The following SH3YL1 variants were observed in gnomAD, a reference collection of about 807,000 sequenced individuals.
The protein encoded by SH3YL1 is SH3 domain-containing YSC84-like protein 1.
A neutral mutation model predicts 45.8 loss-of-function variants in SH3YL1; 41 were observed. The observed-to-expected ratio is 0.89, with a 90% CI of 0.70 to 1.16. The LOEUF (loss-of-function observed/expected upper bound fraction) is 1.16, where lower values mean the gene tolerates loss of function less well. Ranked by LOEUF, SH3YL1 falls within the 50% of genes most tolerant of loss-of-function variation. The pLI, the probability that SH3YL1 is intolerant of heterozygous loss-of-function variation, is 0.00. For missense variants in SH3YL1, 389 were observed against 409.6 expected (o/e 0.95, Z 0.43); for synonymous variants, 152 against 151.4 (o/e 1.00, Z -0.03).
chr2:230,165 G>A (rs1667973538), intron 7 of SH3YL1, 121 bp from the exon 8 acceptor site: 5 of 659,100 alleles, frequency 7.6e-6, no homozygotes, highest in Non-Finnish European at 1.0e-5. Context: ...TATTAATGTG[G>A]CACTCTCAAA....
At chr2:239,862 C>A (rs936064260) in intron 4 of SH3YL1, 1 of 152,178 alleles carries the variant, frequency 6.6e-6, no homozygotes, top group Non-Finnish European at 1.5e-5. Context: ...ATTCAATGAA[C>A]ACTATTAAAT....
chr2:235,645 T>C (rs1278174578), intron 4 of SH3YL1, among the ~76,000 whole-genome samples: 4 of 80,792 alleles, frequency 5.0e-5, no homozygotes, highest in South Asian at 5.3e-4. Context: ...GGCAGCAGCA[T>C]GGGCCAGGGG....
chr2:247,526 C>T lies in SH3YL1; in HGVS notation c.291+12G>A, dbSNP rs961014158. 1 of 1,550,420 alleles carries T rather than the reference C, an allele frequency of 6.4e-7. No individual in the cohort carries two copies. Among genetic ancestry groups the T allele is most frequent in the Non-Finnish European group, 8.7e-7 (1 of 1,145,958 alleles). ...GATATGGCAGTTGTATGGACGTGCACAAGCTACTTACCTCAATTCCTATTT... is the reference window on the plus strand; with the variant it reads ...GATATGGCAGTTGTATGGACGTGCATAAGCTACTTACCTCAATTCCTATTT... On this transcript the variant is annotated intron_variant, in intron 4 of 9. Coordinates refer to ENST00000356150, the MANE Select transcript of SH3YL1 (RefSeq NM_015677.4).
chr2:227,450 CTA>C (rs1429416265), intron 8 of SH3YL1, among the ~76,000 whole-genome samples: 1 of 151,920 alleles, frequency 6.6e-6, no homozygotes, highest in Non-Finnish European at 1.5e-5. Flanking sequence ...AATGAGTAAA[CTA>C]TATACATTTG....
At chr2:264,295 G>A, upstream of SH3YL1, 1 of 355,808 alleles carries the variant, frequency 2.8e-6, no homozygotes, top group Non-Finnish European at 5.1e-6. Context: ...GCCCAAGGCC[G>A]CCCTGGTCCG....
At chr2:237,899 G>A (rs1668374792) in intron 4 of SH3YL1, among the ~76,000 whole-genome samples, 1 of 152,186 alleles carries the variant, frequency 6.6e-6, no homozygotes, top group South Asian at 2.1e-4. Context: ...ACATTAGAAT[G>A]TGAAAAACCA....
intron 4 of SH3YL1, among the ~76,000 whole-genome samples, chr2:238,939 A>G (rs1432250158): frequency 1.3e-5 from 2 of 152,202 alleles, no homozygotes; most frequent in Non-Finnish European, 2.9e-5. Context: ...ACCCTGTAGA[A>G]TCTGGGAGTC....
chr2:220,274 A>G (rs1177436931), intron 9 of SH3YL1, among the ~76,000 whole-genome samples: 1 of 152,006 alleles, frequency 6.6e-6, no homozygotes, highest in Non-Finnish European at 1.5e-5. Context: ...TACTCTGACT[A>G]AAACACTGAA....
intron 9 of SH3YL1, among the ~76,000 whole-genome samples, chr2:224,357 T>G (rs1667704034): frequency 6.6e-6 from 1 of 152,218 alleles, no homozygotes; most frequent in Admixed American, 6.5e-5. Flanking sequence ...AATAAAATTC[T>G]TAGAAATATA....
intron 1 of SH3YL1, among the ~76,000 whole-genome samples, chr2:254,573 C>T (rs535322095): frequency 2.0e-5 from 3 of 152,156 alleles, no homozygotes; most frequent in Non-Finnish European, 4.4e-5. Flanking sequence ...AGATGAAGTA[C>T]GCTAATGGAA....
At chr2:245,803 A>G (rs2103042744) in intron 4 of SH3YL1, among the ~76,000 whole-genome samples, 1 of 152,316 alleles carries the variant, frequency 6.6e-6, no homozygotes, top group Non-Finnish European at 1.5e-5. Flanking sequence ...CAGCAATTCC[A>G]CTGTGCAGCG....
intron 4 of SH3YL1, among the ~76,000 whole-genome samples, chr2:247,032 G>C (rs954669101): frequency 6.6e-6 from 1 of 152,224 alleles, no homozygotes; most frequent in Non-Finnish European, 1.5e-5. Context: ...GCCTCTGTGA[G>C]TGTGCATGTC....
intron 4 of SH3YL1, among the ~76,000 whole-genome samples, chr2:246,518 A>G (rs1668817788): frequency 2.0e-5 from 3 of 151,806 alleles, no homozygotes; most frequent in Admixed American, 2.0e-4. Context: ...GTGACTTAGC[A>G]CAGTTTAGCA....
chr2:253,035 A>T lies in SH3YL1; in HGVS notation c.82T>A (p.Ser28Thr). Reference protein sequence around the residue: ...KILREFTEITSRNGPDKIIPA... With the variant: ...KILREFTEITTRNGPDKIIPA... The stretch of plus-strand genomic sequence containing the variant: ...ATGATCTTATCAGGTCCATTTCTGG[A>T]AGTTATTTCTGTGAATTCTCTTAAT... Residue 28 changes from serine to threonine, a missense_variant, in exon 2 of 10, where the codon TCC becomes ACC. Ser to Thr is a moderately conservative substitution (Grantham distance 58). Coordinates refer to ENST00000356150, the MANE Select transcript of SH3YL1 (RefSeq NM_015677.4). The T allele has an allele frequency of 1.3e-6, 2 of 1,548,704 alleles. No individual in the cohort carries two copies. Among genetic ancestry groups the T allele is most frequent in the Non-Finnish European group, 1.7e-6 (2 of 1,144,430 alleles).
chr2:263,872 C>G, intron 1 of SH3YL1, 112 bp downstream of exon 1: 1 of 902,368 alleles, frequency 1.1e-6, no homozygotes, highest in South Asian at 1.5e-5. Flanking sequence ...AACAGACGCG[C>G]GACCTAGAAA....
rs1004942061 is a variant in SH3YL1 at position 257,472 on chromosome 2, T to C, written c.2-4357A>G. 2.6e-5 allele frequency among the ~76,000 whole-genome samples: 4 copies of C among 152,202 alleles called. No homozygotes were observed. The East Asian group carries it at 5.8e-4, about 22-fold the overall frequency. ...ACCTAACTTAATATGTAGACAAGAT[T>C]GAGAACTTAACTTAGGAGTATGCAT... On this transcript the variant is annotated intron_variant, in intron 1 of 9. Transcript: ENST00000356150.
intron 1 of SH3YL1, chr2:255,942 T>A (rs1394555861): frequency 6.6e-6 from 1 of 152,202 alleles, no homozygotes; most frequent in Non-Finnish European, 1.5e-5. Flanking sequence ...TGCCTCTCAG[T>A]GTAGGCTTTT....
At chr2:219,990 A>C (rs1047665545) in intron 9 of SH3YL1, among the ~76,000 whole-genome samples, 10 of 152,096 alleles carry the variant, frequency 6.6e-5, no homozygotes, top group African/African-American at 2.4e-4. Context: ...GTTAACATGA[A>C]TAAAGGACAT....
At position 234,283 on chromosome 2, in the gene SH3YL1, G is replaced by A. The variant is rs758518921; in HGVS notation, c.292-11C>T. 3.8e-6 allele frequency: 6 copies of A among 1,588,178 alleles called. No homozygotes were observed. The highest frequency in any genetic ancestry group is 4.3e-6 in the Non-Finnish European group (5 of 1,163,776). On this transcript the variant is annotated splice_polypyrimidine_tract_variant and intron_variant, in intron 4 of 9. Transcript: ENST00000356150. ...CACCAAGTCTGATACCTAAAGTGTA[G>A]AAACCCATGGATTTAAAAATCGTTA... is the stretch of plus-strand genomic sequence containing the variant.
Sources: allele counts gnomAD v4.1 joint callset (sites outside exome capture counted in the v4.1 genomes callset), GRCh38; gene constraint gnomAD v4.1.1; transcripts MANE v1.5; gene names NCBI Gene and HGNC (gene_info 2026-07-23, HGNC 2026-07-21).